The following GTF2E1 variants were observed in gnomAD, a reference collection of about 807,000 sequenced individuals.
GTF2E1 encodes the protein general transcription factor IIE subunit 1, also known as TFIIE alpha subunit.
A neutral mutation model predicts 34.9 loss-of-function variants in GTF2E1; 14 were observed. The ratio of observed to expected loss-of-function variants is 0.40; its 90% CI spans 0.27 to 0.63. The LOEUF (loss-of-function observed/expected upper bound fraction) is 0.63, where lower values mean the gene tolerates loss of function less well. Ranked by LOEUF, GTF2E1 falls within the 20% of genes least tolerant of loss-of-function variation. The pLI is 0.39. For synonymous variants in GTF2E1, 188 were observed against 192.9 expected (o/e 0.97, Z 0.21); for missense variants, 469 against 557.7 (o/e 0.84, Z 1.60).
At chr3:120,759,604 T>A (rs1444779489) in intron 2 of GTF2E1, among the ~76,000 whole-genome samples, 1 of 152,168 alleles carries the variant, frequency 6.6e-6, no homozygotes, top group Admixed American at 6.5e-5. Context: ...CTATCTTGAG[T>A]TAATTTTTGT....
At chr3:120,759,515 T>C (rs1423674050) in intron 2 of GTF2E1, among the ~76,000 whole-genome samples, 3 of 152,218 alleles carry the variant, frequency 2.0e-5, no homozygotes, top group Non-Finnish European at 2.9e-5. Context: ...TCTTTACTTA[T>C]GCCTATGTCC....
chr3:120,755,330 G>A (rs1431632700), intron 2 of GTF2E1, among the ~76,000 whole-genome samples: 1 of 152,102 alleles, frequency 6.6e-6, no homozygotes, highest in African/African-American at 2.4e-5. Flanking sequence ...CATTCATTGA[G>A]ATTCCTTTTC....
intron 1 of GTF2E1, 96 bp from the exon 2 acceptor site, chr3:120,750,427 T>A (rs1317169132): frequency 2.5e-5 from 18 of 723,056 alleles, no homozygotes; most frequent in African/African-American, 2.1e-4. Context: ...GAAATCTTTT[T>A]AAACACTTTG....
At chr3:120,773,241 G>T (rs760157564) in intron 3 of GTF2E1, among the ~76,000 whole-genome samples, 5 of 152,062 alleles carry the variant, frequency 3.3e-5, no homozygotes, top group Non-Finnish European at 7.4e-5. Flanking sequence ...TAACATCCTG[G>T]AGGTGGTATT....
At chr3:120,767,346 A>G (rs1410739988) in intron 2 of GTF2E1, among the ~76,000 whole-genome samples, 2 of 152,198 alleles carry the variant, frequency 1.3e-5, no homozygotes, top group Non-Finnish European at 2.9e-5. Flanking sequence ...CTTATGGTCC[A>G]GTATAAAAAG....
chr3:120,746,495 A>G (rs1358930594), intron 1 of GTF2E1, among the ~76,000 whole-genome samples: 1 of 152,008 alleles, frequency 6.6e-6, no homozygotes, highest in East Asian at 1.9e-4. Context: ...TCTCCAAAAA[A>G]AAAAAAAATT....
At chr3:120,777,572 G>A (rs1307690649) in intron 4 of GTF2E1, among the ~76,000 whole-genome samples, 2 of 152,136 alleles carry the variant, frequency 1.3e-5, no homozygotes, top group Non-Finnish European at 2.9e-5. Context: ...TTTAGTATAT[G>A]TATATACTAG....
At chr3:120,766,644 A>G (rs1340341594) in intron 2 of GTF2E1, among the ~76,000 whole-genome samples, 2 of 151,918 alleles carry the variant, frequency 1.3e-5, no homozygotes, top group Non-Finnish European at 2.9e-5. Flanking sequence ...CCTTCTCAAT[A>G]AGCTTTTCCT....
chr3:120,763,309 A>G (rs368222147), intron 2 of GTF2E1, among the ~76,000 whole-genome samples: 1 of 151,992 alleles, frequency 6.6e-6, no homozygotes, highest in South Asian at 2.1e-4. Flanking sequence ...CCCCTTTATA[A>G]TGAGTTCCAG....
intron 4 of GTF2E1, among the ~76,000 whole-genome samples, chr3:120,780,740 A>G (rs1709439509): frequency 6.6e-6 from 1 of 152,186 alleles, no homozygotes; most frequent in South Asian, 2.1e-4. Flanking sequence ...ACCTCATTTT[A>G]CAGAAAAAGG....
chr3:120,776,744 C>A, intron 4 of GTF2E1, 80 bp downstream of exon 4: 1 of 1,262,510 alleles, frequency 7.9e-7, no homozygotes, highest in Non-Finnish European at 1.1e-6. Flanking sequence ...ACTGCCTGGG[C>A]AATTCTGGAT....
chr3:120,752,435 C>G (rs1010153203), intron 2 of GTF2E1, among the ~76,000 whole-genome samples: 4 of 152,210 alleles, frequency 2.6e-5, no homozygotes, highest in Non-Finnish European at 5.9e-5. Flanking sequence ...GGCTTCATCA[C>G]TCTTGACCAC....
At position 120,776,625 on chromosome 3, in the gene GTF2E1, A is replaced by C. The variant is rs769790121; in HGVS notation, c.853A>C (p.Thr285Pro). Residue 285 changes from threonine (T) to proline (P), a missense_variant, in exon 4 of 5, where the codon ACT becomes CCT. Transcript: ENST00000283875. ...KERPIWLRES[T>P]VQGAYGSEDM... ...GAGGCCTATTTGGTTGAGAGAAAGC[A>C]CTGTCCAAGGGGCATATGGTTCTGA... 1 of 1,613,844 alleles carries C rather than the reference A, an allele frequency of 6.2e-7. No homozygotes were observed. The highest frequency in any genetic ancestry group is 8.5e-7 in the Non-Finnish European group (1 of 1,179,816).
chr3:120,772,331 T>C (rs1709360625), intron 3 of GTF2E1, among the ~76,000 whole-genome samples: 1 of 152,190 alleles, frequency 6.6e-6, no homozygotes, highest in Non-Finnish European at 1.5e-5. Flanking sequence ...GTTTACCTTC[T>C]AGGACTGGGG....
intron 1 of GTF2E1, chr3:120,749,878 C>T (rs1462260762): frequency 2.0e-5 from 3 of 152,132 alleles, no homozygotes; most frequent in African/African-American, 7.2e-5. Flanking sequence ...TTTTGGGCTG[C>T]TCTCCCTCCC....
intron 1 of GTF2E1, among the ~76,000 whole-genome samples, chr3:120,748,998 A>G (rs1322672407): frequency 6.6e-6 from 1 of 152,076 alleles, no homozygotes; most frequent in Non-Finnish European, 1.5e-5. Context: ...TAGGTATTTT[A>G]TTCTCTTTGA....
At chr3:120,745,263 G>A (rs1236718073) in intron 1 of GTF2E1, among the ~76,000 whole-genome samples, 3 of 152,104 alleles carry the variant, frequency 2.0e-5, no homozygotes, top group Admixed American at 6.5e-5. Flanking sequence ...CTGAGGTCAG[G>A]GGGCCTAAGA....
At chr3:120,759,571 G>A (rs1277823888) in intron 2 of GTF2E1, among the ~76,000 whole-genome samples, 1 of 152,120 alleles carries the variant, frequency 6.6e-6, no homozygotes, top group African/African-American at 2.4e-5. Context: ...TGTGGTGTTA[G>A]GTCTTACATT....
intron 2 of GTF2E1, among the ~76,000 whole-genome samples, chr3:120,758,538 G>C (rs972142427): frequency 2.0e-5 from 3 of 151,818 alleles, no homozygotes; most frequent in African/African-American, 7.3e-5. Context: ...CGTCATTTAC[G>C]TTAGGTATTT....
Sources: allele counts gnomAD v4.1 joint callset (sites outside exome capture counted in the v4.1 genomes callset), GRCh38; gene constraint gnomAD v4.1.1; transcripts MANE v1.5; gene names NCBI Gene and HGNC (gene_info 2026-07-23, HGNC 2026-07-21).